Variants in ZNF41 observed in about 807,000 individuals in gnomAD.
ZNF41 encodes the protein zinc finger protein 41.
Under a neutral mutation model 9.3 loss-of-function variants are expected in ZNF41, and 6 were observed. The ratio of observed to expected loss-of-function variants is 0.65; its 90% confidence interval spans 0.35 to 1.28. ZNF41 has a LOEUF of 1.28. Among genes scored for constraint, ZNF41 ranks in the 50% most tolerant of loss-of-function variants. ZNF41 has a pLI of 0.03. For synonymous variants in ZNF41, 192 were observed against 207.1 expected (o/e 0.93, Z 0.63); for missense variants, 523 against 585.8 (o/e 0.89, Z 1.11).
intron 1 of ZNF41, among the ~76,000 whole-genome samples, chrX:47,472,280 A>G (rs1432389711): frequency 9.0e-6 from 1 of 110,874 alleles, no homozygotes; most frequent in Non-Finnish European, 1.9e-5. Flanking sequence ...TGTTATATTT[A>G]TACAAGGAAA....
At chrX:47,456,127 A>G in intron 3 of ZNF41, 111 bp from the exon 4 acceptor site, 1 of 1,062,203 alleles carries the variant, frequency 9.4e-7, no homozygotes, top group South Asian at 1.9e-5. Flanking sequence ...CACTGGGAAC[A>G]GAGTAATAAT....
chrX:47,459,764 A>AAAAAAAAAAAAAAAAAAAAAAAAAG (rs1456368840), intron 2 of ZNF41, among the ~76,000 whole-genome samples: 1 of 101,122 alleles, frequency 9.9e-6, no homozygotes, highest in African/African-American at 4.1e-5. Flanking sequence ...AAAAAAAAAA[A>AAAAAAAAAAAAAAAAAAAAAAAAAG]AAAGAAAGAA....
At chrX:47,452,054 G>C (rs147443736) in intron 4 of ZNF41, among the ~76,000 whole-genome samples, 78 of 111,816 alleles carry the variant, frequency 7.0e-4, no homozygotes, top group African/African-American at 2.5e-3. Context: ...GACACTGCAG[G>C]ATGAGGAGGG....
intron 4 of ZNF41, 138 bp from the exon 5 acceptor site, chrX:47,449,612 A>G (rs954350528): frequency 3.0e-6 from 2 of 675,000 alleles, no homozygotes; most frequent in African/African-American, 4.4e-5. Flanking sequence ...ATGTAGCAAC[A>G]CAACATTCTT....
At chrX:47,465,838 A>T (rs1489278873) in intron 2 of ZNF41, among the ~76,000 whole-genome samples, 5 of 112,163 alleles carry the variant, frequency 4.5e-5, no homozygotes, top group African/African-American at 6.5e-5. Flanking sequence ...AAATAAAATT[A>T]AAAAAATAGT....
At chrX:47,457,620 C>G (rs964670822) in intron 2 of ZNF41, among the ~76,000 whole-genome samples, 1 of 111,851 alleles carries the variant, frequency 8.9e-6, no homozygotes, top group African/African-American at 3.2e-5. Context: ...AGGCGGATCA[C>G]CTGAGGTCAG....
chrX:47,474,876 T>C (rs1293758222), intron 1 of ZNF41, among the ~76,000 whole-genome samples: 3 of 67,503 alleles, frequency 4.4e-5, no homozygotes, highest in Non-Finnish European at 8.7e-5. Flanking sequence ...AGAACCTGTC[T>C]AAAAAAAAAA....
chrX:47,475,049 G>C (rs1486114356), intron 1 of ZNF41, among the ~76,000 whole-genome samples: 6 of 103,415 alleles, frequency 5.8e-5, no homozygotes, highest in Non-Finnish European at 1.2e-4. Context: ...GTGTGGTGGT[G>C]TGCGCCTGTA....
At chrX:47,450,207 T>TCTTA (rs1474359332) in intron 4 of ZNF41, among the ~76,000 whole-genome samples, 5 of 111,065 alleles carry the variant, frequency 4.5e-5, no homozygotes, top group African/African-American at 1.3e-4. Context: ...CAAGTTTCTT[T>TCTTA]CTTTCTTTCT....
At chrX:47,474,267 G>C (rs2057272418) in intron 1 of ZNF41, among the ~76,000 whole-genome samples, 1 of 111,202 alleles carries the variant, frequency 9.0e-6, no homozygotes, top group Non-Finnish European at 1.9e-5. Flanking sequence ...AGGAGTTTGA[G>C]ACCAGCCTGG....
At chrX:47,454,679 G>A (rs1265425953) in intron 4 of ZNF41, among the ~76,000 whole-genome samples, 6 of 111,292 alleles carry the variant, frequency 5.4e-5, no homozygotes, top group African/African-American at 1.6e-4. Context: ...AGTATGATGT[G>A]GTGCTGGGGA....
intron 4 of ZNF41, 76 bp from the exon 5 acceptor site, chrX:47,449,550 C>A: frequency 1.9e-6 from 2 of 1,080,579 alleles, no homozygotes; most frequent in Non-Finnish European, 2.5e-6. Flanking sequence ...GTAGTTCAGA[C>A]AGGATGAACA....
Position 47,449,223 on chromosome X carries a change from C to A in ZNF41, c.547G>T (p.Val183Phe). The A allele has an allele frequency of 8.3e-7, 1 of 1,209,321 alleles. No individual in the cohort carries two copies. Among genetic ancestry groups the A allele is most frequent in the Non-Finnish European group, 1.1e-6 (1 of 895,105 alleles). ...EKIIHVTTKL[V>F]PSIKRLHNCD... ...TTATGGAGTCTTTTAATTGAAGGAACAAGCTTGGTAGTCACATGAATTATT... is the reference window on the plus strand; with the variant it reads ...TTATGGAGTCTTTTAATTGAAGGAAAAAGCTTGGTAGTCACATGAATTATT... The change falls in exon 5 of 5, where the codon GTT becomes TTT. Residue 183 changes from valine to phenylalanine, a missense_variant. Val to Phe is a conservative substitution (Grantham distance 50, BLOSUM62 -1). Coordinates refer to ENST00000684689, the MANE Select transcript of ZNF41 (RefSeq NM_001324144.2).
At chrX:47,481,801 G>A (rs2057480275) in intron 1 of ZNF41, among the ~76,000 whole-genome samples, 1 of 112,213 alleles carries the variant, frequency 8.9e-6, no homozygotes, top group Admixed American at 9.4e-5. Context: ...CTTTAAAAAT[G>A]AGAACAAAAT....
intron 2 of ZNF41, 37 bp downstream of exon 2, chrX:47,467,373 A>G: frequency 1.7e-6 from 2 of 1,171,373 alleles, no homozygotes; most frequent in Non-Finnish European, 2.3e-6. Context: ...CTCTTCACTG[A>G]ATGAATTCTT....
In ZNF41 at chrX:47,475,762, T is replaced by A. The variant is rs770407771; in HGVS notation, c.-280+7333A>T. On this transcript the variant is annotated intron_variant, in intron 1 of 4. Coordinates refer to ENST00000684689, the MANE Select transcript of ZNF41 (RefSeq NM_001324144.2). Reference sequence around the variant, plus strand: ...CCCAGGCTCTAGTCCTGGTCTGAATTGTGAATGGAGGGACATGGAGTTGAG... The same window carrying A: ...CCCAGGCTCTAGTCCTGGTCTGAATAGTGAATGGAGGGACATGGAGTTGAG... Among the ~76,000 whole-genome samples, 282 of 111,235 alleles carry A rather than the reference T, an allele frequency of 2.5e-3. 2 individuals are homozygous for A. The highest frequency in any genetic ancestry group is 9.0e-3 in the African/African-American group (277 of 30,649).
chrX:47,467,186 G>T (rs956407360), intron 2 of ZNF41: 7 of 729,506 alleles, frequency 9.6e-6, no homozygotes, highest in African/African-American at 8.5e-5. Flanking sequence ...AGTGTAATCA[G>T]CCACATTACA....
chrX:47,463,126 A>G (rs2056874320), intron 2 of ZNF41, among the ~76,000 whole-genome samples: 1 of 110,350 alleles, frequency 9.1e-6, no homozygotes, highest in Non-Finnish European at 1.9e-5. Context: ...GTGCCTGGCC[A>G]TTGAATACAT....
At chrX:47,475,938 C>T (rs2057321691) in intron 1 of ZNF41, among the ~76,000 whole-genome samples, 1 of 111,659 alleles carries the variant, frequency 9.0e-6, no homozygotes, top group Admixed American at 9.6e-5. Flanking sequence ...AGGAAAATAA[C>T]ACCATTAGGC....
Sources: gnomAD v4.1 joint callset for allele counts (sites outside exome capture counted in the v4.1 genomes callset) on GRCh38, gnomAD v4.1.1 for gene constraint, MANE v1.5 for transcripts, NCBI Gene and HGNC (gene_info 2026-07-23, HGNC 2026-07-21) for gene names.